Variants in GNG7 observed in about 807,000 individuals in gnomAD.
GNG7 encodes G protein subunit gamma 7, also known as guanine nucleotide-binding protein G(I)/G(S)/G(O) subunit gamma-7.
Under a neutral mutation model 4.0 loss-of-function variants are expected in GNG7, and 1 was observed. The observed-to-expected ratio is 0.25, with a 90% confidence interval of 0.09 to 1.18. The LOEUF is 1.18. GNG7 is among the 50% of genes most tolerant of loss of function. GNG7 has a pLI of 0.50. For synonymous variants in GNG7, 34 were observed against 36.9 expected (o/e 0.92, Z 0.29); for missense variants, 86 against 91.9 (o/e 0.94, Z 0.26).
At chr19:2,552,630 C>A (rs1979367264) in intron 3 of GNG7, among the ~76,000 whole-genome samples, 1 of 151,558 alleles carries the variant, frequency 6.6e-6, no homozygotes. Flanking sequence ...AGTGATCCAC[C>A]CGCCTCAGCC....
intron 2 of GNG7, among the ~76,000 whole-genome samples, chr19:2,568,433 T>C (rs1232592840): frequency 1.3e-4 from 18 of 135,352 alleles, no homozygotes; most frequent in South Asian, 1.3e-3. Context: ...CACACATACA[T>C]ATACATACAC....
At chr19:2,532,030 A>G (rs1269021627) in intron 3 of GNG7, among the ~76,000 whole-genome samples, 1 of 151,748 alleles carries the variant, frequency 6.6e-6, no homozygotes, top group East Asian at 1.9e-4. Context: ...AGGCGCCTCT[A>G]GTCCCAGCTA....
Position 2,635,803 on chromosome 19 carries a change from G to A in GNG7, c.-78+10421C>T, listed in dbSNP as rs569353504. ...TCACCATGTTGGCCAGGATGGTCTCGAACTCCTGACCTCAAGTGATCCGCC... is the reference window on the plus strand; with the variant it reads ...TCACCATGTTGGCCAGGATGGTCTCAAACTCCTGACCTCAAGTGATCCGCC... On this transcript the variant is annotated intron_variant, in intron 2 of 4. Transcript: ENST00000382159. Among the ~76,000 whole-genome samples the A allele has an allele frequency of 9.2e-5, 14 of 152,142 alleles. No individual in the cohort carries two copies. In the Middle Eastern group the frequency reaches 0.01, roughly 111 times the overall value.
At chr19:2,632,182 C>T (rs2144843482) in intron 2 of GNG7, 1 of 152,412 alleles carries the variant, frequency 6.6e-6, no homozygotes, top group Admixed American at 6.5e-5. Context: ...GTAATCCCAG[C>T]ACTTTGGGAG....
At chr19:2,604,851 CTT>C (rs1279720504) in intron 2 of GNG7, among the ~76,000 whole-genome samples, 1 of 152,158 alleles carries the variant, frequency 6.6e-6, no homozygotes, top group Non-Finnish European at 1.5e-5. Context: ...CTTCCCCTCT[CTT>C]AGAAGTATTA....
At chr19:2,590,537 C>G (rs1980810449) in intron 2 of GNG7, among the ~76,000 whole-genome samples, 1 of 149,334 alleles carries the variant, frequency 6.7e-6, no homozygotes, top group Non-Finnish European at 1.5e-5. Flanking sequence ...ACCCACCCAA[C>G]CAACCATCCA....
At chr19:2,693,415 C>CAAAA (rs146155053) in intron 1 of GNG7, among the ~76,000 whole-genome samples, 2 of 80,320 alleles carry the variant, frequency 2.5e-5, no homozygotes, top group Non-Finnish European at 2.5e-5. Flanking sequence ...GACTCTGCCT[C>CAAAA]AAAAAAAAAA....
Position 2,618,931 on chromosome 19 carries a change from G to T in GNG7, c.-78+27293C>A, listed in dbSNP as rs1981794822. On this transcript the variant is annotated intron_variant, in intron 2 of 4. Transcript: ENST00000382159. The surrounding 1 kb of genome is among the most constrained non-coding windows in gnomAD (Gnocchi z 5.1). ...GCATCTGACCGTCCCATCTCCGTGG[G>T]TTCCTCTGGGCTCTCAGTTTCTTGG... Among the ~76,000 whole-genome samples, 1 of 152,088 alleles carries T rather than the reference G, an allele frequency of 6.6e-6. No individual in the cohort carries two copies. The highest frequency in any genetic ancestry group is 6.6e-5 in the Admixed American group (1 of 15,260).
chr19:2,678,574 C>A (rs1171078433), intron 1 of GNG7, among the ~76,000 whole-genome samples: 2 of 152,082 alleles, frequency 1.3e-5, no homozygotes, highest in Admixed American at 1.3e-4. Flanking sequence ...GGAACCAAAT[C>A]CTGGGATGGG....
At position 2,616,479 on chromosome 19, in the gene GNG7, AAAAC is replaced by A. The variant is rs199583322; in HGVS notation, c.-78+29741_-78+29744del. ...AGGCTAGAGACTCCATCTCTATTAA[AAAAC>A]AAACAAAGAAAGGCTGGGTGTGGTG... On this transcript the variant is annotated intron_variant, in intron 2 of 4. Transcript: ENST00000382159. Among the ~76,000 whole-genome samples, 979 of 152,240 alleles carry A rather than the reference AAAAC, an allele frequency of 6.4e-3. 13 individuals carry two copies. The highest frequency in any genetic ancestry group is 0.022 in the African/African-American group (927 of 41,540).
chr19:2,599,670 C>T (rs946965967), intron 2 of GNG7, among the ~76,000 whole-genome samples: 17 of 152,188 alleles, frequency 1.1e-4, no homozygotes, highest in Admixed American at 8.5e-4. Flanking sequence ...GGCGCGGTGG[C>T]TCACGCCTGT....
intron 1 of GNG7, among the ~76,000 whole-genome samples, chr19:2,647,591 G>A (rs922803087): frequency 1.3e-5 from 2 of 152,130 alleles, no homozygotes; most frequent in Admixed American, 6.5e-5. Flanking sequence ...AGTGGTGCCC[G>A]CCTGTGACCC....
Position 2,560,878 on chromosome 19 carries a change from A to T in GNG7, c.-77-5690T>A, listed in dbSNP as rs575044961. Among the ~76,000 whole-genome samples, 15 of 151,658 alleles carry T rather than the reference A, an allele frequency of 9.9e-5. 1 individual carries two copies. The South Asian group carries it at 3.1e-3, about 32-fold the overall frequency. ...AGGCTGAGGCAGGAGAACTGCCTGA[A>T]CCTGGGAGGCGGATGTTGCAGTGAG... On this transcript the variant is annotated intron_variant, in intron 2 of 4. Coordinates refer to ENST00000382159, the MANE Select transcript of GNG7 (RefSeq NM_052847.3).
intron 3 of GNG7, among the ~76,000 whole-genome samples, chr19:2,523,060 T>C (rs1320218574): frequency 6.6e-6 from 1 of 151,474 alleles, no homozygotes; most frequent in Non-Finnish European, 1.5e-5. Flanking sequence ...AGAGACATGG[T>C]TTTACCATGT....
intron 2 of GNG7, chr19:2,594,890 AG>A (rs1368208607): frequency 1.3e-5 from 2 of 151,734 alleles, no homozygotes. Context: ...GGCTGAGGCG[AG>A]CTGATTGCTT....
In GNG7 at chr19:2,614,964, G is replaced by A. The variant is rs1030047616; in HGVS notation, c.-78+31260C>T. On this transcript the variant is annotated intron_variant, in intron 2 of 4. Transcript: ENST00000382159. This position sits in a 1 kb window ranked among gnomAD's most constrained non-coding sequence, Gnocchi z 6.0. The stretch of plus-strand genomic sequence containing the variant: ...AAGGCACTGAGGCAGGAGGCAGGCA[G>A]CTGATTGTTGAAGGTCACCCCGTAG... Among the ~76,000 whole-genome samples, 2 of 152,182 alleles carry A rather than the reference G, an allele frequency of 1.3e-5. No individual in the cohort carries two copies. The highest frequency in any genetic ancestry group is 2.4e-5 in the African/African-American group (1 of 41,442).
In GNG7 at chr19:2,653,954, C is replaced by T. The variant is rs1982894847; in HGVS notation, c.-134-7674G>A. 2.0e-5 allele frequency among the ~76,000 whole-genome samples: 3 copies of T among 152,208 alleles called. No homozygotes were observed. The highest frequency in any genetic ancestry group is 2.1e-4 in the South Asian group (1 of 4,830). ...CGCCTGCCTCGGCGAGCCCGGGTTC[C>T]AGAAGATGTGCCCAGCACCCTGGGC... On this transcript the variant is annotated intron_variant, in intron 1 of 4. Transcript: ENST00000382159. This position sits in a 1 kb window ranked among gnomAD's most constrained non-coding sequence, Gnocchi z 4.8.
intron 2 of GNG7, among the ~76,000 whole-genome samples, chr19:2,638,233 T>TGG: frequency 1.3e-5 from 2 of 150,460 alleles, no homozygotes; most frequent in African/African-American, 4.9e-5. Context: ...CGTGGTGGCA[T>TGG]GCACCTGTAA....
intron 1 of GNG7, chr19:2,683,407 A>AT (rs1173568688): frequency 6.6e-6 from 1 of 152,094 alleles, no homozygotes; most frequent in East Asian, 1.9e-4. Flanking sequence ...CGCATCTCTA[A>AT]TTTTTTTAAA....
Sources: gnomAD v4.1 joint callset for allele counts (sites outside exome capture counted in the v4.1 genomes callset) on GRCh38, gnomAD v4.1.1 for gene constraint, Gnocchi (gnomAD v3.1) non-coding constraint, MANE v1.5 for transcripts, NCBI Gene and HGNC (gene_info 2026-07-23, HGNC 2026-07-21) for gene names.